Variants in TMX4 observed in about 807,000 individuals in gnomAD.
The protein encoded by TMX4 is thioredoxin-related transmembrane protein 4.
A neutral mutation model predicts 33.3 loss-of-function variants in TMX4; 23 were observed. That is an observed-to-expected ratio of 0.69 (90% CI 0.50 to 0.98). The LOEUF (loss-of-function observed/expected upper bound fraction) is 0.98. Ranked by LOEUF, TMX4 falls within the 50% of genes least tolerant of loss-of-function variation. TMX4 has a pLI of 0.00. For synonymous variants in TMX4, 164 were observed against 161.5 expected (o/e 1.02, Z -0.12); for missense variants, 399 against 448.9 (o/e 0.89, Z 1.01).
intron 6 of TMX4, 93 bp from the exon 7 acceptor site, chr20:7,983,950 C>A: frequency 2.4e-6 from 2 of 828,878 alleles, no homozygotes; most frequent in East Asian, 2.7e-5. Context: ...ATCAGATATT[C>A]TTAGACTAAT....
At chr20:8,011,408 G>T (rs113917738) in intron 1 of TMX4, among the ~76,000 whole-genome samples, 5 of 151,828 alleles carry the variant, frequency 3.3e-5, no homozygotes, top group African/African-American at 1.2e-4. Context: ...AAAGTTGCCT[G>T]TCAGGTCATC....
At chr20:8,015,530 C>T (rs1446940658) in intron 1 of TMX4, among the ~76,000 whole-genome samples, 1 of 152,172 alleles carries the variant, frequency 6.6e-6, no homozygotes, top group Non-Finnish European at 1.5e-5. Flanking sequence ...ATAACTTATA[C>T]TACATATTTC....
chr20:7,993,385 T>G (rs1002956663), intron 5 of TMX4, among the ~76,000 whole-genome samples: 3 of 152,290 alleles, frequency 2.0e-5, no homozygotes, highest in African/African-American at 7.2e-5. Flanking sequence ...TTTGCCACAA[T>G]TATACATTCA....
At chr20:8,010,423 A>G (rs1407587374) in intron 1 of TMX4, 108 bp from the exon 2 acceptor site, 3 of 679,518 alleles carry the variant, frequency 4.4e-6, no homozygotes, top group Non-Finnish European at 6.3e-6. Flanking sequence ...AAGGGAAATT[A>G]TAAAAGGAGG....
intron 6 of TMX4, among the ~76,000 whole-genome samples, chr20:7,984,825 T>C (rs1369181571): frequency 6.6e-6 from 1 of 152,126 alleles, no homozygotes; most frequent in East Asian, 1.9e-4. Context: ...AATTTACTCA[T>C]TTAATTTTGA....
At chr20:8,010,049 C>A (rs2050746476) in intron 2 of TMX4, 151 bp downstream of exon 2, 2 of 558,506 alleles carry the variant, frequency 3.6e-6, no homozygotes, top group South Asian at 4.1e-5. Context: ...AAAGACAGAT[C>A]CAAGTATGCA....
chr20:8,007,626 T>C (rs187919153), intron 2 of TMX4, among the ~76,000 whole-genome samples: 1 of 152,278 alleles, frequency 6.6e-6, no homozygotes, highest in Admixed American at 6.5e-5. Flanking sequence ...TCCCCATTTA[T>C]CTCAAGTACT....
chr20:7,999,947 C>T, intron 3 of TMX4, 87 bp from the exon 4 acceptor site: 1 of 1,375,730 alleles, frequency 7.3e-7, no homozygotes, highest in African/African-American at 1.5e-5. Flanking sequence ...ACTGGTGATA[C>T]ATCTGAACGC....
intron 2 of TMX4, among the ~76,000 whole-genome samples, chr20:8,009,316 AC>A (rs550931008): frequency 6.6e-6 from 1 of 152,100 alleles, no homozygotes; most frequent in Non-Finnish European, 1.5e-5. Context: ...TCTTGTGAAA[AC>A]TTATATCATT....
chr20:8,009,862 A>T lies in TMX4; in HGVS notation c.292+338T>A, dbSNP rs1342508910. On this transcript the variant is annotated intron_variant, in intron 2 of 7. Coordinates refer to ENST00000246024, the MANE Select transcript of TMX4 (RefSeq NM_021156.4). Reference sequence around the variant, plus strand: ...ATTGGATCCTCAGTCAAAAAACTGTAAAAAAAAAAAAAAAAAAAAAGACAC... The same window carrying T: ...ATTGGATCCTCAGTCAAAAAACTGTTAAAAAAAAAAAAAAAAAAAAGACAC... Among the ~76,000 whole-genome samples the T allele has an allele frequency of 1.5e-4, 10 of 64,972 alleles. No homozygotes were observed. In the East Asian group the frequency reaches 3.9e-3, roughly 26 times the overall value. 42.6% of individuals were successfully genotyped at this position (64,972 alleles called of 152,430 possible).
At chr20:8,002,450 T>C (rs945822010) in intron 2 of TMX4, among the ~76,000 whole-genome samples, 6 of 151,710 alleles carry the variant, frequency 4.0e-5, no homozygotes, top group African/African-American at 1.2e-4. Flanking sequence ...AGACTAGGAG[T>C]AAAGAACAGA....
chr20:8,010,520 A>C (rs974850435), intron 1 of TMX4, among the ~76,000 whole-genome samples: 1 of 152,090 alleles, frequency 6.6e-6, no homozygotes, highest in South Asian at 2.1e-4. Context: ...TATAGGAAAA[A>C]ATTTGGCCAA....
chr20:7,983,865 G>GA lies in TMX4; in HGVS notation c.616-9dup. 1 of 1,610,808 alleles carries GA rather than the reference G, an allele frequency of 6.2e-7. No individual in the cohort carries two copies. Among genetic ancestry groups the GA allele is most frequent in the Non-Finnish European group, 8.5e-7 (1 of 1,178,432 alleles). ...TGATATTACCACCAAGACCTGGAAG[G>GA]AAAAAAGTGATTTTACAGTGAATAG... On this transcript the variant is annotated splice_polypyrimidine_tract_variant and intron_variant, in intron 6 of 7. Transcript: ENST00000246024.
intron 6 of TMX4, among the ~76,000 whole-genome samples, chr20:7,984,265 G>T (rs4816034): frequency 0.014 from 2,076 of 152,314 alleles, 54 homozygotes; most frequent in East Asian, 0.064. Flanking sequence ...GCCAGCTGTG[G>T]GTGGGGAAGG....
intron 4 of TMX4, among the ~76,000 whole-genome samples, chr20:7,997,142 C>A (rs1231005605): frequency 1.3e-5 from 2 of 152,140 alleles, no homozygotes; most frequent in East Asian, 3.9e-4. Context: ...CTTTGGCTGA[C>A]TTCTCAACAC....
chr20:7,999,648 CAT>C (rs1411204359), intron 4 of TMX4, 82 bp downstream of exon 4: 1 of 1,458,178 alleles, frequency 6.9e-7, no homozygotes, highest in East Asian at 2.4e-5. Context: ...TGAAGTAAAA[CAT>C]AGGCTTTTTT....
chr20:8,004,708 A>C (rs1199802778), intron 2 of TMX4, among the ~76,000 whole-genome samples: 1 of 152,232 alleles, frequency 6.6e-6, no homozygotes, highest in Non-Finnish European at 1.5e-5. Context: ...AAAACACAAC[A>C]GAAATTATTT....
In TMX4 at chr20:7,982,461, CTCT is replaced by C. The variant is rs2050611361; in HGVS notation, c.837_839del (p.Glu282del). The C allele has an allele frequency of 6.2e-7, 1 of 1,614,102 alleles. No individual in the cohort carries two copies. The highest frequency in any genetic ancestry group is 1.3e-5 in the African/African-American group (1 of 75,036). Reference sequence around the variant, plus strand: ...CACCAGCAGCCAAGTTGTCCTCCTCCTCTTCTTCCTCTGCTTCATCCTCATCGC... The same window carrying C: ...CACCAGCAGCCAAGTTGTCCTCCTCCTCTTCCTCTGCTTCATCCTCATCGC... On this transcript the variant is annotated inframe_deletion, in exon 8 of 8. Coordinates refer to ENST00000246024, the MANE Select transcript of TMX4 (RefSeq NM_021156.4).
rs564666867 is a variant in TMX4, at chr20:8,012,246, C to A, written c.177-1931G>T. ...GCAGGTTAATAATCTCTCCATGCCTCAGTTTCCTCAACTGTAAAATGGGAT... is the reference window on the plus strand; with the variant it reads ...GCAGGTTAATAATCTCTCCATGCCTAAGTTTCCTCAACTGTAAAATGGGAT... On this transcript the variant is annotated intron_variant, in intron 1 of 7. Coordinates refer to ENST00000246024, the MANE Select transcript of TMX4 (RefSeq NM_021156.4). 2.0e-5 allele frequency among the ~76,000 whole-genome samples: 3 copies of A among 152,224 alleles called. No homozygotes were observed. The East Asian group carries it at 5.8e-4, about 29-fold the overall frequency.
Sources: gnomAD v4.1 joint callset for allele counts (sites outside exome capture counted in the v4.1 genomes callset) on GRCh38, gnomAD v4.1.1 for gene constraint, MANE v1.5 for transcripts, NCBI Gene and HGNC (gene_info 2026-07-23, HGNC 2026-07-21) for gene names.